KCNIP4: variants seen among roughly 807,000 people sequenced by gnomAD.
KCNIP4 encodes the protein Kv channel-interacting protein 4.
KCNIP4 carries 12 observed loss-of-function variants against 34.0 expected under a neutral mutation model. The ratio of observed to expected loss-of-function variants is 0.35; its 90% CI spans 0.23 to 0.57. The LOEUF (loss-of-function observed/expected upper bound fraction) is 0.57. KCNIP4 is among the 20% of genes least tolerant of loss of function. KCNIP4 has a pLI of 0.83. For missense variants in KCNIP4, 238 were observed against 311.7 expected (o/e 0.76, Z 1.78); for synonymous variants, 124 against 102.2 (o/e 1.21, Z -1.29).
chr4:21,906,472 G>A (rs1728008402), intron 1 of KCNIP4, among the ~76,000 whole-genome samples: 1 of 152,184 alleles, frequency 6.6e-6, no homozygotes. Flanking sequence ...GAAGAGGCAA[G>A]GAAGTGTTCT....
intron 1 of KCNIP4, among the ~76,000 whole-genome samples, chr4:21,833,044 T>G (rs1402366217): frequency 6.7e-6 from 1 of 149,300 alleles, no homozygotes; most frequent in Non-Finnish European, 1.5e-5. Context: ...AATGCTGCAA[T>G]AAACATACGT....
At chr4:20,938,260 G>T (rs1051765371) in intron 1 of KCNIP4, among the ~76,000 whole-genome samples, 5 of 150,792 alleles carry the variant, frequency 3.3e-5, no homozygotes, top group African/African-American at 1.2e-4. Context: ...AGAATCAGGA[G>T]AAGCCAAGGC....
chr4:21,814,443 A>G (rs551875312), intron 1 of KCNIP4, among the ~76,000 whole-genome samples: 1 of 152,186 alleles, frequency 6.6e-6, no homozygotes, highest in East Asian at 1.9e-4. Context: ...GGTTTTATAA[A>G]GGGGAGTTTC....
intron 1 of KCNIP4, among the ~76,000 whole-genome samples, chr4:21,591,074 A>T (rs1467927223): frequency 1.3e-5 from 2 of 152,046 alleles, no homozygotes; most frequent in African/African-American, 4.8e-5. Flanking sequence ...AAGCTAAAAA[A>T]AATTGACAAT....
intron 1 of KCNIP4, among the ~76,000 whole-genome samples, chr4:21,552,231 T>C (rs1243646194): frequency 6.6e-6 from 1 of 152,082 alleles, no homozygotes; most frequent in Non-Finnish European, 1.5e-5. Flanking sequence ...GCATTAATCT[T>C]ACCATTTAGT....
At chr4:21,107,370 T>C (rs1294015123) in intron 1 of KCNIP4, among the ~76,000 whole-genome samples, 1 of 147,328 alleles carries the variant, frequency 6.8e-6, no homozygotes, top group East Asian at 2.0e-4. Context: ...CTTTGTCTCT[T>C]TTGATCTTTG....
chr4:21,859,286 C>T (rs1724927965), intron 1 of KCNIP4, among the ~76,000 whole-genome samples: 2 of 152,086 alleles, frequency 1.3e-5, no homozygotes, highest in African/African-American at 2.4e-5. Flanking sequence ...TTCCCTTCAT[C>T]GCTGTCCTGC....
chr4:20,838,520 A>T (rs1035482142), intron 3 of KCNIP4, among the ~76,000 whole-genome samples: 5 of 152,190 alleles, frequency 3.3e-5, no homozygotes, highest in African/African-American at 1.2e-4. Context: ...CTGTAGCTAG[A>T]TGATCCCTGT....
chr4:21,824,784 C>T (rs545301561), intron 1 of KCNIP4, among the ~76,000 whole-genome samples: 1 of 152,196 alleles, frequency 6.6e-6, no homozygotes, highest in African/African-American at 2.4e-5. Context: ...TCAAGGAGAA[C>T]CTGTTGGGCT....
intron 1 of KCNIP4, among the ~76,000 whole-genome samples, chr4:21,557,466 A>C (rs999173908): frequency 6.6e-6 from 1 of 152,182 alleles, no homozygotes; most frequent in African/African-American, 2.4e-5. Flanking sequence ...GATGAACCTC[A>C]TGACTTCTGT....
At chr4:20,928,714 A>T (rs532864684) in intron 1 of KCNIP4, among the ~76,000 whole-genome samples, 1 of 152,062 alleles carries the variant, frequency 6.6e-6, no homozygotes, top group South Asian at 2.1e-4. Context: ...ACAAACTCCT[A>T]ACTACCTAAG....
In KCNIP4 at chr4:21,218,190, T is replaced by C. The variant is rs528966957; in HGVS notation, c.62-335481A>G. On this transcript the variant is annotated intron_variant, in intron 1 of 8. Coordinates refer to ENST00000382152, the MANE Select transcript of KCNIP4 (RefSeq NM_025221.6). ...GCCACCATGCCTGGCTAATTTTGTA[T>C]TTTTAGTAGAGACAGAGTTTCACCA... Among the ~76,000 whole-genome samples, 220 of 151,896 alleles carry C rather than the reference T, an allele frequency of 1.4e-3. 1 individual carries two copies. Among genetic ancestry groups the C allele is most frequent in the African/African-American group, 5.0e-3 (206 of 41,448 alleles).
At position 20,936,412 on chromosome 4, in the gene KCNIP4, A is replaced by AT. The variant is rs1553918021; in HGVS notation, c.62-53704dup. ...GTACCAGGTACTAAGATTAAAAGAT[A>AT]TGTTTTTTTTTTCTAAAATAAGGCC... is the stretch of plus-strand genomic sequence containing the variant. On this transcript the variant is annotated intron_variant, in intron 1 of 8. Coordinates refer to ENST00000382152, the MANE Select transcript of KCNIP4 (RefSeq NM_025221.6). Among the ~76,000 whole-genome samples, 11 of 56,188 alleles carry AT rather than the reference A, an allele frequency of 2.0e-4. No homozygotes were observed. In the Admixed American group the frequency reaches 2.0e-3, roughly 10 times the overall value. The allele number at this position is 56,188 out of a possible 152,430, so 36.9% of individuals were successfully genotyped here.
intron 1 of KCNIP4, among the ~76,000 whole-genome samples, chr4:21,471,339 G>A (rs1354512448): frequency 6.6e-6 from 1 of 152,132 alleles, no homozygotes; most frequent in Non-Finnish European, 1.5e-5. Flanking sequence ...AATTAGGGCA[G>A]TAGAGTACTA....
intron 1 of KCNIP4, among the ~76,000 whole-genome samples, chr4:21,377,640 C>T (rs1721080068): frequency 6.6e-6 from 1 of 152,174 alleles, no homozygotes; most frequent in African/African-American, 2.4e-5. Flanking sequence ...CATTCTGCCT[C>T]ATTGCTGGTT....
intron 5 of KCNIP4, among the ~76,000 whole-genome samples, chr4:20,748,408 C>A (rs992004069): frequency 3.9e-5 from 6 of 151,902 alleles, no homozygotes; most frequent in African/African-American, 1.2e-4. Context: ...ACTGAGCAGG[C>A]TTCCCTGCTA....
intron 1 of KCNIP4, among the ~76,000 whole-genome samples, chr4:21,578,831 C>T (rs904645137): frequency 2.0e-5 from 3 of 152,194 alleles, no homozygotes; most frequent in Admixed American, 1.3e-4. Context: ...TGGACTAACT[C>T]AGGGGCAGTC....
At chr4:21,352,208 C>T (rs960818795) in intron 1 of KCNIP4, among the ~76,000 whole-genome samples, 2 of 152,162 alleles carry the variant, frequency 1.3e-5, no homozygotes, top group Non-Finnish European at 2.9e-5. Flanking sequence ...CCAGTGTGAT[C>T]GATGCAGAAG....
intron 1 of KCNIP4, among the ~76,000 whole-genome samples, chr4:21,686,358 T>C (rs1423732889): frequency 2.0e-5 from 3 of 152,182 alleles, no homozygotes; most frequent in Non-Finnish European, 4.4e-5. Context: ...AAAATGATAG[T>C]ACAGCCAAGG....
Sources: allele counts gnomAD v4.1 joint callset (sites outside exome capture counted in the v4.1 genomes callset), GRCh38; gene constraint gnomAD v4.1.1; transcripts MANE v1.5; gene names NCBI Gene and HGNC (gene_info 2026-07-23, HGNC 2026-07-21).